The following PECAM1 variants were observed in gnomAD, a reference collection of about 807,000 sequenced individuals.
The protein encoded by PECAM1 is platelet endothelial cell adhesion molecule.
PECAM1 carries 8 observed loss-of-function variants against 13.8 expected under a neutral mutation model. The ratio of observed to expected loss-of-function variants is 0.58; its 90% CI spans 0.34 to 1.05. The LOEUF is 1.05. Among genes scored for constraint, PECAM1 ranks in the 50% least tolerant of loss-of-function variants. The probability of loss-of-function intolerance (pLI) is 0.03; values close to 1 mark genes in which losing one functional copy is unlikely to be tolerated. For synonymous variants in PECAM1, 136 were observed against 52.6 expected, an observed-to-expected ratio of 2.58 and a Z score of -6.86; for missense variants, 304 against 141.2, an observed-to-expected ratio of 2.15 and a Z score of -5.84.
intron 13 of PECAM1, among the ~76,000 whole-genome samples, chr17:64,343,510 C>G: frequency 6.6e-6 from 1 of 152,318 alleles, no homozygotes; most frequent in Admixed American, 6.5e-5. Flanking sequence ...GGGGTGACAG[C>G]TGGGGTCTTG....
At chr17:64,355,078 T>G (rs2035817200) in intron 8 of PECAM1, 38 bp from the exon 9 acceptor site, 2 of 470,834 alleles carry the variant, frequency 4.2e-6, no homozygotes, top group East Asian at 3.1e-5. Context: ...TTTTTGTATA[T>G]AGGCTCTTCC....
intron 12 of PECAM1, among the ~76,000 whole-genome samples, chr17:64,349,587 C>CAAA (rs72236584): frequency 1.7e-4 from 11 of 64,154 alleles, no homozygotes; most frequent in East Asian, 5.5e-4. Context: ...GACTCTGTAT[C>CAAA]AAAAAAAAAA....
chr17:64,332,425 G>A (rs1047806709), intron 14 of PECAM1, among the ~76,000 whole-genome samples: 31 of 152,200 alleles, frequency 2.0e-4, no homozygotes, highest in African/African-American at 7.5e-4. Context: ...AAGACAAAAT[G>A]TGAAAAACTC....
intron 13 of PECAM1, among the ~76,000 whole-genome samples, chr17:64,342,161 A>AAAAAAAG (rs1555648580): frequency 1.4e-5 from 2 of 145,162 alleles, no homozygotes; most frequent in Non-Finnish European, 1.5e-5. Context: ...AAAAAAAAAA[A>AAAAAAAG]AAGAAGAAGA....
chr17:64,349,845 A>G (rs2035673942), intron 12 of PECAM1, among the ~76,000 whole-genome samples: 1 of 152,094 alleles, frequency 6.6e-6, no homozygotes, highest in Non-Finnish European at 1.5e-5. Flanking sequence ...AGATCGCACC[A>G]CTGCACTCCA....
At position 64,361,074 on chromosome 17, in the gene PECAM1, G is replaced by C. The variant is rs1392486540; in HGVS notation, c.1217-659C>G. On this transcript the variant is annotated intron_variant, in intron 6 of 15. Transcript: ENST00000563924. ...GGACTCAAGTGATCCTCCCACATCA[G>C]CTGCCCAAAGTGCTGGGATTATAAG... is the stretch of plus-strand genomic sequence containing the variant. Among the ~76,000 whole-genome samples, 3 of 146,384 alleles carry C rather than the reference G, an allele frequency of 2.0e-5. No individual in the cohort carries two copies. In the East Asian group the frequency reaches 6.5e-4, roughly 31 times the overall value.
At chr17:64,327,506 T>C (rs1234870684) in intron 15 of PECAM1, among the ~76,000 whole-genome samples, 1 of 152,194 alleles carries the variant, frequency 6.6e-6, no homozygotes, top group Non-Finnish European at 1.5e-5. Context: ...GTAGCCCAGC[T>C]GCCTCCTGGC....
chr17:64,352,232 T>A (rs1174635050), intron 11 of PECAM1, among the ~76,000 whole-genome samples, 158 bp downstream of exon 11: 2 of 152,178 alleles, frequency 1.3e-5, no homozygotes, highest in African/African-American at 4.8e-5. Flanking sequence ...TTCCGTATAT[T>A]ACATGGCCCA....
In PECAM1 at chr17:64,322,516, G is replaced by C; in HGVS notation, c.*1300C>G. 1.0e-6 allele frequency: 1 copy of C among 985,336 alleles called. No individual in the cohort carries two copies. Among genetic ancestry groups the C allele is most frequent in the Non-Finnish European group, 1.2e-6 (1 of 829,902 alleles). The allele number at this position is 985,336 out of a possible 1,614,324, so 61.0% of individuals were successfully genotyped here. A position where few individuals can be genotyped will look rare whatever the true frequency, so the allele number is the denominator to read the frequency against. On this transcript the variant is annotated 3_prime_UTR_variant, in exon 16 of 16. Transcript: ENST00000563924. Reference sequence around the variant, plus strand: ...ATTTCACAGATCTGCAAAGAGCAAAGGTCAAATTTATTTAATACAACATCC... The same window carrying C: ...ATTTCACAGATCTGCAAAGAGCAAACGTCAAATTTATTTAATACAACATCC...
intron 14 of PECAM1, among the ~76,000 whole-genome samples, chr17:64,337,195 A>G (rs1191465805): frequency 6.6e-6 from 1 of 152,074 alleles, no homozygotes; most frequent in Non-Finnish European, 1.5e-5. Context: ...GGCTCTCTCT[A>G]CCTTCACCCC....
At chr17:64,350,259 A>G (rs2035685894) in intron 12 of PECAM1, 121 bp downstream of exon 12, 1 of 389,962 alleles carries the variant, frequency 2.6e-6, no homozygotes, top group South Asian at 1.5e-4. Context: ...GGCTGGGTAC[A>G]GGGTCATTAA....
chr17:64,333,909 A>C (rs1483363472), intron 14 of PECAM1, among the ~76,000 whole-genome samples: 1 of 134,262 alleles, frequency 7.4e-6, no homozygotes, highest in Non-Finnish European at 1.5e-5. Flanking sequence ...GCGCCACTGC[A>C]CTCCAGCCTG....
At chr17:64,326,318 C>T (rs1177941740) in intron 15 of PECAM1, among the ~76,000 whole-genome samples, 2 of 152,226 alleles carry the variant, frequency 1.3e-5, no homozygotes, top group Admixed American at 1.3e-4. Flanking sequence ...CACAGCCAGC[C>T]TGGCTGGCTT....
chr17:64,351,836 T>G (rs889580218), intron 11 of PECAM1, among the ~76,000 whole-genome samples: 5 of 152,248 alleles, frequency 3.3e-5, no homozygotes, highest in Non-Finnish European at 5.9e-5. Context: ...GCAATTTTCT[T>G]ACTAACCTGG....
At chr17:64,358,907 G>T (rs1255914101) in intron 7 of PECAM1, among the ~76,000 whole-genome samples, 1 of 150,866 alleles carries the variant, frequency 6.6e-6, no homozygotes, top group African/African-American at 2.4e-5. Context: ...AATGATTCTT[G>T]TGCCTCAGCC....
Position 64,322,711 on chromosome 17 carries a change from C to A in PECAM1, c.*1105G>T. ...CTCAGGAGACCACTTCTTTAGCAAG[C>A]AATTTTGTTTTTTGTTTTTTTTGAG... On this transcript the variant is annotated 3_prime_UTR_variant, in exon 16 of 16. Transcript: ENST00000563924. The A allele has an allele frequency of 1.0e-6, 1 of 957,150 alleles. No individual in the cohort carries two copies. Among genetic ancestry groups the A allele is most frequent in the Non-Finnish European group, 1.2e-6 (1 of 817,538 alleles). The allele number at this position is 957,150 out of a possible 1,614,324, so 59.3% of individuals were successfully genotyped here. A position where few individuals can be genotyped will look rare whatever the true frequency, so the allele number is the denominator to read the frequency against.
chr17:64,380,724 G>A (rs1181208273), intron 2 of PECAM1, among the ~76,000 whole-genome samples: 1 of 152,276 alleles, frequency 6.6e-6, no homozygotes, highest in East Asian at 1.9e-4. Context: ...AAGGTGGCTG[G>A]ATAAGGCCAG....
intron 7 of PECAM1, among the ~76,000 whole-genome samples, chr17:64,357,940 T>C (rs2035882720): frequency 6.6e-6 from 1 of 152,046 alleles, no homozygotes; most frequent in African/African-American, 2.4e-5. Context: ...TTGCATCCTG[T>C]CCTTCCTTCC....
In PECAM1 at chr17:64,354,914, AG is replaced by A; in HGVS notation, c.1888+18del. On this transcript the variant is annotated intron_variant, in intron 9 of 15. Coordinates refer to ENST00000563924, the MANE Select transcript of PECAM1 (RefSeq NM_000442.5). ...GGCAAGGACGACCAGTCAGTATGGAAGGAAAGAACTATGCTCACCCTTGGCT... is the reference window on the plus strand; with the variant it reads ...GGCAAGGACGACCAGTCAGTATGGAAGAAAGAACTATGCTCACCCTTGGCT... 4.2e-6 allele frequency: 2 copies of A among 475,340 alleles called. No homozygotes were observed. Among genetic ancestry groups the A allele is most frequent in the Non-Finnish European group, 7.7e-6 (2 of 259,030 alleles). 29.4% of individuals were successfully genotyped at this position (475,340 alleles called of 1,614,324 possible).
Sources: allele counts gnomAD v4.1 joint callset (sites outside exome capture counted in the v4.1 genomes callset), GRCh38; gene constraint gnomAD v4.1.1; transcripts MANE v1.5; gene names NCBI Gene and HGNC (gene_info 2026-07-23, HGNC 2026-07-21).